The following PTPRN2 variants were observed in gnomAD, a reference collection of about 807,000 sequenced individuals.
PTPRN2 encodes protein tyrosine phosphatase receptor type N2.
In PTPRN2, 74 loss-of-function variants were observed where a neutral mutation model predicts 118.8. That is an observed-to-expected ratio of 0.62 (90% CI 0.52 to 0.76). PTPRN2 has a LOEUF of 0.76. Among genes scored for constraint, PTPRN2 ranks in the 30% least tolerant of loss-of-function variants. PTPRN2 has a pLI of 0.00. For missense variants in PTPRN2, 1,481 were observed against 1,394.4 expected (o/e 1.06, Z -0.99); for synonymous variants, 641 against 608.0 (o/e 1.05, Z -0.80).
rs1167910878 is a variant in PTPRN2, at chr7:157,990,194, G to A, written c.1723+91104C>T. 5.3e-5 allele frequency among the ~76,000 whole-genome samples: 8 copies of A among 152,012 alleles called. No individual in the cohort carries two copies. The highest frequency in any genetic ancestry group is 1.0e-4 in the Non-Finnish European group (7 of 68,000). Reference sequence around the variant, plus strand: ...TGTGAGTGCGAGCCCAGGGCAGAGCGGGCCCAGATAAATAATTCATGAGCG... The same window carrying A: ...TGTGAGTGCGAGCCCAGGGCAGAGCAGGCCCAGATAAATAATTCATGAGCG... On this transcript the variant is annotated intron_variant, in intron 11 of 22. Coordinates refer to ENST00000389418, the MANE Select transcript of PTPRN2 (RefSeq NM_002847.5). This position sits in a 1 kb window ranked among gnomAD's most constrained non-coding sequence, Gnocchi z 4.3.
chr7:158,481,680 TCTTGAACTCCTGAC>T, intron 2 of PTPRN2, among the ~76,000 whole-genome samples: 1 of 152,158 alleles, frequency 6.6e-6, no homozygotes, highest in Non-Finnish European at 1.5e-5. Flanking sequence ...GCCAGGCTGG[TCTTGAACTCCTGAC>T]CTTGTGATCC....
chr7:158,312,415 GACATAC>G (rs1451339892), intron 3 of PTPRN2, among the ~76,000 whole-genome samples: 1 of 24,824 alleles, frequency 4.0e-5, no homozygotes. Flanking sequence ...CTCACATGTA[GACATAC>G]ACACACATGC....
chr7:158,328,326 C>A (rs1803822404), intron 2 of PTPRN2, among the ~76,000 whole-genome samples: 1 of 152,250 alleles, frequency 6.6e-6, no homozygotes, highest in Admixed American at 6.5e-5. Context: ...GCGTCCAAGG[C>A]AGGACTGCTG....
chr7:157,653,354 C>A (rs979424808), intron 14 of PTPRN2, among the ~76,000 whole-genome samples: 1 of 152,162 alleles, frequency 6.6e-6, no homozygotes, highest in African/African-American at 2.4e-5. Flanking sequence ...GGGTGTCTGG[C>A]GGAAACGAGG....
In PTPRN2 at chr7:158,505,741, C is replaced by T. The variant is rs372702821; in HGVS notation, c.113-15956G>A. 5.9e-5 allele frequency among the ~76,000 whole-genome samples: 9 copies of T among 151,848 alleles called. No individual in the cohort carries two copies. In the East Asian group the frequency reaches 1.8e-3, roughly 30 times the overall value. ...CCGGGGTGGGAGGGGGGTGGGGTGA[C>T]CTGAGCACGCGCCTCACTCCTGGAA... On this transcript the variant is annotated intron_variant, in intron 1 of 22. Coordinates refer to ENST00000389418, the MANE Select transcript of PTPRN2 (RefSeq NM_002847.5).
intron 2 of PTPRN2, among the ~76,000 whole-genome samples, chr7:158,381,171 T>C (rs1201422378): frequency 1.3e-5 from 2 of 152,230 alleles, no homozygotes; most frequent in Admixed American, 1.3e-4. Context: ...CCTTGTTACT[T>C]AGGCAAATTT....
chr7:157,794,393 A>G lies in PTPRN2; in HGVS notation c.1788+104280T>C, dbSNP rs1804735399. Among the ~76,000 whole-genome samples, 1 of 152,222 alleles carries G rather than the reference A, an allele frequency of 6.6e-6. No homozygotes were observed. Among genetic ancestry groups the G allele is most frequent in the African/African-American group, 2.4e-5 (1 of 41,464 alleles). On this transcript the variant is annotated intron_variant, in intron 12 of 22. Coordinates refer to ENST00000389418, the MANE Select transcript of PTPRN2 (RefSeq NM_002847.5). The surrounding 1 kb of genome is among the most constrained non-coding windows in gnomAD (Gnocchi z 5.2). Reference sequence around the variant, plus strand: ...CTGGCCGGCCTACGGGCACTCGGGCAGTGCGGTGACCAATTATAGCGTCGA... The same window carrying G: ...CTGGCCGGCCTACGGGCACTCGGGCGGTGCGGTGACCAATTATAGCGTCGA...
chr7:157,840,384 G>C (rs556071465), intron 12 of PTPRN2, among the ~76,000 whole-genome samples: 2 of 144,146 alleles, frequency 1.4e-5, no homozygotes, highest in Non-Finnish European at 3.0e-5. Context: ...CTGTGTGACC[G>C]CGTGTGACTG....
At chr7:158,127,468 G>T (rs1817794085) in intron 9 of PTPRN2, among the ~76,000 whole-genome samples, 1 of 152,162 alleles carries the variant, frequency 6.6e-6, no homozygotes, top group African/African-American at 2.4e-5. Context: ...CCACATTCTA[G>T]GTCTCGGGGC....
At chr7:157,645,153 G>A (rs571351082) in intron 14 of PTPRN2, among the ~76,000 whole-genome samples, 8 of 152,360 alleles carry the variant, frequency 5.3e-5, no homozygotes, top group East Asian at 1.9e-4. Flanking sequence ...TTGCGTGGAC[G>A]TGCCACACTT....
chr7:158,448,306 A>G (rs1392402978), intron 2 of PTPRN2, among the ~76,000 whole-genome samples: 1 of 152,226 alleles, frequency 6.6e-6, no homozygotes. Context: ...TACATTTTCT[A>G]AATGTTTCAT....
chr7:158,042,409 G>A (rs1481781529), intron 11 of PTPRN2, among the ~76,000 whole-genome samples: 2 of 152,176 alleles, frequency 1.3e-5, no homozygotes, highest in African/African-American at 4.8e-5. Flanking sequence ...TCAGGCACCA[G>A]ACACAGGGTA....
intron 2 of PTPRN2, among the ~76,000 whole-genome samples, chr7:158,404,420 C>T (rs982273769): frequency 6.6e-6 from 1 of 152,148 alleles, no homozygotes; most frequent in African/African-American, 2.4e-5. Flanking sequence ...GGCTGTGGAC[C>T]CCTTAACCTG....
chr7:158,382,526 C>A (rs1235235427), intron 2 of PTPRN2, among the ~76,000 whole-genome samples: 1 of 152,156 alleles, frequency 6.6e-6, no homozygotes, highest in African/African-American at 2.4e-5. Context: ...CAGCAGGAGT[C>A]CCCAACCCCC....
intron 2 of PTPRN2, among the ~76,000 whole-genome samples, chr7:158,456,869 G>A (rs935699557): frequency 1.3e-5 from 2 of 152,048 alleles, no homozygotes; most frequent in Non-Finnish European, 1.5e-5. Context: ...CCACCTCCTG[G>A]GCTCAATGAT....
chr7:158,474,732 C>T (rs983344663), intron 2 of PTPRN2, among the ~76,000 whole-genome samples: 1 of 152,036 alleles, frequency 6.6e-6, no homozygotes, highest in Non-Finnish European at 1.5e-5. Context: ...TGAGAGGGAC[C>T]CTCTTCCCAA....
intron 11 of PTPRN2, among the ~76,000 whole-genome samples, chr7:158,052,903 G>A (rs1362176978): frequency 6.6e-6 from 1 of 152,162 alleles, no homozygotes; most frequent in African/African-American, 2.4e-5. Context: ...AAGCTCCCTG[G>A]GCTACAGGGA....
At chr7:158,034,255 C>T (rs556062830) in intron 11 of PTPRN2, among the ~76,000 whole-genome samples, 49 of 142,836 alleles carry the variant, frequency 3.4e-4, no homozygotes, top group African/African-American at 1.4e-3. Flanking sequence ...GAGGCCCGGG[C>T]AAGCATCCCT....
At chr7:158,153,336 T>C (rs985113949) in intron 6 of PTPRN2, among the ~76,000 whole-genome samples, 4 of 152,206 alleles carry the variant, frequency 2.6e-5, no homozygotes, top group African/African-American at 9.6e-5. Flanking sequence ...AAGCCCTCTG[T>C]CCTTGTGATA....
Sources: gnomAD v4.1 joint callset for allele counts (sites outside exome capture counted in the v4.1 genomes callset) on GRCh38, gnomAD v4.1.1 for gene constraint, Gnocchi (gnomAD v3.1) non-coding constraint, MANE v1.5 for transcripts, NCBI Gene and HGNC (gene_info 2026-07-23, HGNC 2026-07-21) for gene names.